The following CACNG3 variants were observed in gnomAD, a reference collection of about 807,000 sequenced individuals.
CACNG3 encodes calcium voltage-gated channel auxiliary subunit gamma 3.
CACNG3 carries 3 observed loss-of-function variants against 28.5 expected under a neutral mutation model. That is an observed-to-expected ratio of 0.11 (90% CI 0.05 to 0.27). The LOEUF is 0.27. Among genes scored for constraint, CACNG3 ranks in the 10% least tolerant of loss-of-function variants. The probability of loss-of-function intolerance (pLI) is 1.00; values close to 1 mark genes in which losing one functional copy is unlikely to be tolerated. For missense variants in CACNG3, 236 were observed against 414.4 expected, an observed-to-expected ratio of 0.57 and a Z score of 3.74; for synonymous variants, 174 against 162.2, an observed-to-expected ratio of 1.07 and a Z score of -0.55.
At chr16:24,335,550 T>C (rs1899692058) in intron 1 of CACNG3, among the ~76,000 whole-genome samples, 1 of 152,240 alleles carries the variant, frequency 6.6e-6, no homozygotes, top group Non-Finnish European at 1.5e-5. Context: ...TTTCTATTCC[T>C]ACTGTTATTC....
chr16:24,282,573 C>G (rs1314666586), intron 1 of CACNG3, among the ~76,000 whole-genome samples: 1 of 152,102 alleles, frequency 6.6e-6, no homozygotes, highest in East Asian at 1.9e-4. Context: ...CCGTGCCCAG[C>G]CTCATTAACT....
intron 1 of CACNG3, among the ~76,000 whole-genome samples, chr16:24,261,527 T>G (rs1320593517): frequency 6.6e-6 from 1 of 152,246 alleles, no homozygotes; most frequent in Non-Finnish European, 1.5e-5. Context: ...TGTAGCTGAA[T>G]TTGGTACATG....
intron 1 of CACNG3, among the ~76,000 whole-genome samples, chr16:24,304,760 C>T (rs1008305257): frequency 6.6e-6 from 1 of 152,146 alleles, no homozygotes; most frequent in Non-Finnish European, 1.5e-5. Context: ...CAGGGTCTCA[C>T]CATGTTGCCC....
At chr16:24,332,502 G>C (rs1329383782) in intron 1 of CACNG3, among the ~76,000 whole-genome samples, 1 of 151,738 alleles carries the variant, frequency 6.6e-6, no homozygotes, top group Admixed American at 6.6e-5. Context: ...AATAAATCAG[G>C]ATGTGCATCA....
chr16:24,357,997 T>C (rs912385758), intron 3 of CACNG3, among the ~76,000 whole-genome samples: 1 of 151,628 alleles, frequency 6.6e-6, no homozygotes, highest in South Asian at 2.1e-4. Flanking sequence ...AGGCTTGGGG[T>C]CTAATCCTAG....
At chr16:24,301,238 T>A (rs1311849776) in intron 1 of CACNG3, among the ~76,000 whole-genome samples, 2 of 151,724 alleles carry the variant, frequency 1.3e-5, no homozygotes, top group African/African-American at 4.8e-5. Context: ...TGAGCTCAAT[T>A]ATATGGGGAT....
chr16:24,332,944 C>T (rs912915509), intron 1 of CACNG3, among the ~76,000 whole-genome samples: 31 of 152,120 alleles, frequency 2.0e-4, no homozygotes, highest in African/African-American at 7.5e-4. Context: ...AGACAAGAGC[C>T]TGCTGGAGGG....
At chr16:24,356,487 A>T (rs1900034945) in intron 3 of CACNG3, among the ~76,000 whole-genome samples, 1 of 151,910 alleles carries the variant, frequency 6.6e-6, no homozygotes, top group African/African-American at 2.4e-5. Flanking sequence ...GAATCACTTG[A>T]GCACAGGTCT....
At chr16:24,336,093 CA>C (rs1555461569) in intron 1 of CACNG3, among the ~76,000 whole-genome samples, 1 of 151,700 alleles carries the variant, frequency 6.6e-6, no homozygotes, top group Non-Finnish European at 1.5e-5. Context: ...ATTTTGGTGG[CA>C]TGCACCTGTA....
intron 1 of CACNG3, among the ~76,000 whole-genome samples, chr16:24,345,157 T>G (rs1193652257): frequency 6.6e-6 from 1 of 152,208 alleles, no homozygotes; most frequent in Non-Finnish European, 1.5e-5. Flanking sequence ...ATGTATAGCT[T>G]TATTTCATTC....
At chr16:24,306,645 C>G (rs1224694625) in intron 1 of CACNG3, among the ~76,000 whole-genome samples, 1 of 152,184 alleles carries the variant, frequency 6.6e-6, no homozygotes, top group Non-Finnish European at 1.5e-5. Context: ...CCCACCCCTA[C>G]CCCAACACAT....
At chr16:24,309,634 G>A (rs903298271) in intron 1 of CACNG3, among the ~76,000 whole-genome samples, 4 of 152,164 alleles carry the variant, frequency 2.6e-5, no homozygotes, top group East Asian at 1.9e-4. Context: ...ACAGTGCAAC[G>A]ACATGCTGTG....
chr16:24,270,659 G>T (rs1488889327), intron 1 of CACNG3, among the ~76,000 whole-genome samples: 2 of 152,234 alleles, frequency 1.3e-5, no homozygotes, highest in African/African-American at 2.4e-5. Context: ...ACCCCAGGAT[G>T]ATTTTCCAGT....
chr16:24,325,991 A>G (rs1899536404), intron 1 of CACNG3, among the ~76,000 whole-genome samples: 1 of 152,162 alleles, frequency 6.6e-6, no homozygotes, highest in African/African-American at 2.4e-5. Flanking sequence ...GACTCAAATG[A>G]TATTAGCAAG....
At chr16:24,279,906 T>G (rs900477498) in intron 1 of CACNG3, among the ~76,000 whole-genome samples, 1 of 152,148 alleles carries the variant, frequency 6.6e-6, no homozygotes, top group Non-Finnish European at 1.5e-5. Context: ...TTTGTAACAC[T>G]CAAGTGGAGG....
chr16:24,290,795 C>G (rs1898956227), intron 1 of CACNG3, among the ~76,000 whole-genome samples: 1 of 151,988 alleles, frequency 6.6e-6, no homozygotes, highest in South Asian at 2.1e-4. Flanking sequence ...TTTATCACGG[C>G]CTACGTACTT....
At chr16:24,332,883 G>A (rs891089994) in intron 1 of CACNG3, among the ~76,000 whole-genome samples, 3 of 152,068 alleles carry the variant, frequency 2.0e-5, no homozygotes, top group Admixed American at 6.5e-5. Flanking sequence ...TTGTCAACAC[G>A]TGACAAAACA....
At chr16:24,318,182 C>A (rs549311392) in intron 1 of CACNG3, among the ~76,000 whole-genome samples, 22 of 152,142 alleles carry the variant, frequency 1.4e-4, no homozygotes, top group African/African-American at 5.1e-4. Context: ...TCAGTATATC[C>A]TTTTGTATTT....
chr16:24,276,241 A>G (rs985641864), intron 1 of CACNG3, among the ~76,000 whole-genome samples: 2 of 152,228 alleles, frequency 1.3e-5, no homozygotes, highest in Non-Finnish European at 2.9e-5. Flanking sequence ...TGGAAAATAT[A>G]GTTATTTTTA....
Sources: gnomAD v4.1 joint callset for allele counts (sites outside exome capture counted in the v4.1 genomes callset) on GRCh38, gnomAD v4.1.1 for gene constraint, MANE v1.5 for transcripts, NCBI Gene and HGNC (gene_info 2026-07-23, HGNC 2026-07-21) for gene names.